ST18: variants seen among roughly 807,000 people sequenced by gnomAD.
ST18 encodes the protein suppression of tumorigenicity 18 protein.
ST18 carries 50 observed loss-of-function variants against 110.0 expected under a neutral mutation model. The observed-to-expected ratio is 0.45, with a 90% CI of 0.36 to 0.58. ST18 has a LOEUF of 0.58. Among genes scored for constraint, ST18 ranks in the 20% least tolerant of loss-of-function variants. The probability of loss-of-function intolerance (pLI) is 0.00; values close to 1 mark genes in which losing one functional copy is unlikely to be tolerated. For missense variants in ST18, 1,306 were observed against 1,280.1 expected, an observed-to-expected ratio of 1.02 and a Z score of -0.31; for synonymous variants, 461 against 452.4, an observed-to-expected ratio of 1.02 and a Z score of -0.24.
chr8:52,348,149 G>A (rs1471719423), intron 2 of ST18, among the ~76,000 whole-genome samples: 1 of 152,126 alleles, frequency 6.6e-6, no homozygotes, highest in Non-Finnish European at 1.5e-5. Flanking sequence ...AGGAAAAGGA[G>A]AGGAGAAATA....
At chr8:52,150,564 A>G (rs1285377889) in intron 15 of ST18, among the ~76,000 whole-genome samples, 1 of 152,208 alleles carries the variant, frequency 6.6e-6, no homozygotes, top group Admixed American at 6.5e-5. Flanking sequence ...ATGCTTTGCT[A>G]AATTGTGGCG....
intron 5 of ST18, among the ~76,000 whole-genome samples, chr8:52,218,907 T>G (rs1012636915): frequency 6.6e-6 from 1 of 150,674 alleles, no homozygotes; most frequent in African/African-American, 2.4e-5. Flanking sequence ...TGAGAAGAGC[T>G]GCTGGGGTCC....
intron 2 of ST18, among the ~76,000 whole-genome samples, chr8:52,234,108 T>A (rs1314271332): frequency 6.6e-6 from 1 of 152,132 alleles, no homozygotes; most frequent in Non-Finnish European, 1.5e-5. Flanking sequence ...TATGTTAACT[T>A]TTTTCCAAAA....
chr8:52,351,022 CT>C (rs986959668), intron 2 of ST18, among the ~76,000 whole-genome samples: 1 of 152,034 alleles, frequency 6.6e-6, no homozygotes, highest in African/African-American at 2.4e-5. Context: ...GCCTGGCCGT[CT>C]TTTTTTGACT....
chr8:52,118,390 A>T lies in ST18; in HGVS notation c.2807T>A (p.Leu936Gln). The T allele has an allele frequency of 6.2e-7, 1 of 1,611,910 alleles. No homozygotes were observed. The change falls in exon 24 of 26, where the codon CTG becomes CAG. Residue 936 changes from leucine to glutamine, a missense_variant. Leu to Gln is a moderately radical substitution (Grantham distance 113). Coordinates refer to ENST00000689386, the MANE Select transcript of ST18 (RefSeq NM_001352837.2). ...IRHLDEEIKE[L>Q]NESNLKIEAD... is the part of the protein sequence containing the mutation. The stretch of plus-strand genomic sequence containing the variant: ...TTCAATTTTAAGGTTGGATTCATTC[A>T]GTTCCTTTATTTCTTCATCCAAATG...
At chr8:52,133,168 A>G (rs1234622550) in intron 20 of ST18, 31 bp from the exon 21 acceptor site, 1 of 1,614,208 alleles carries the variant, frequency 6.2e-7, no homozygotes, top group East Asian at 2.2e-5. Flanking sequence ...AGAACAAAGC[A>G]AAATTATGTG....
intron 6 of ST18, among the ~76,000 whole-genome samples, chr8:52,216,825 T>C (rs762469276): frequency 7.2e-5 from 11 of 152,194 alleles, no homozygotes; most frequent in Non-Finnish European, 7.3e-5. Flanking sequence ...TCAGGCCTCA[T>C]ATTCAATGAG....
chr8:52,262,298 A>T (rs955737393), intron 2 of ST18, among the ~76,000 whole-genome samples: 1 of 152,180 alleles, frequency 6.6e-6, no homozygotes, highest in African/African-American at 2.4e-5. Context: ...TCCAACACAT[A>T]AACTTTTGGG....
intron 2 of ST18, among the ~76,000 whole-genome samples, chr8:52,325,310 A>G (rs987774373): frequency 3.9e-5 from 6 of 152,234 alleles, no homozygotes; most frequent in Non-Finnish European, 7.3e-5. Flanking sequence ...TGATAGCCCC[A>G]TTTATACAAA....
intron 2 of ST18, among the ~76,000 whole-genome samples, chr8:52,314,581 T>TTA (rs1335433533): frequency 6.6e-6 from 1 of 152,196 alleles, no homozygotes; most frequent in Non-Finnish European, 1.5e-5. Flanking sequence ...AAATCATGAC[T>TTA]TATAGCCCAG....
chr8:52,311,447 C>T (rs1238397856), intron 2 of ST18, among the ~76,000 whole-genome samples: 1 of 152,162 alleles, frequency 6.6e-6, no homozygotes, highest in Non-Finnish European at 1.5e-5. Flanking sequence ...CTCTACAGTT[C>T]TATTGTCTCA....
intron 2 of ST18, among the ~76,000 whole-genome samples, chr8:52,377,672 C>A (rs530068171): frequency 1.3e-5 from 2 of 152,286 alleles, no homozygotes; most frequent in African/African-American, 4.8e-5. Context: ...ATTAGTACAA[C>A]CACTATGGAG....
At chr8:52,166,745 A>T (rs1295709773) in intron 11 of ST18, 107 bp downstream of exon 11, 3 of 1,362,064 alleles carry the variant, frequency 2.2e-6, no homozygotes, top group South Asian at 2.1e-5. Flanking sequence ...GACATAGTTT[A>T]AAAAAGTTTG....
intron 2 of ST18, among the ~76,000 whole-genome samples, chr8:52,242,081 A>C (rs1045993565): frequency 6.6e-6 from 1 of 152,196 alleles, no homozygotes; most frequent in Non-Finnish European, 1.5e-5. Context: ...TTTATTTATT[A>C]GTACACTTTC....
At chr8:52,318,159 T>C (rs532245981) in intron 2 of ST18, among the ~76,000 whole-genome samples, 3 of 151,984 alleles carry the variant, frequency 2.0e-5, no homozygotes, top group South Asian at 4.2e-4. Context: ...CCAGCATCTA[T>C]AAGCAACTTA....
intron 2 of ST18, among the ~76,000 whole-genome samples, chr8:52,260,070 G>T (rs570539737): frequency 6.6e-6 from 1 of 152,124 alleles, no homozygotes; most frequent in South Asian, 2.1e-4. Flanking sequence ...TTTTCTTTTA[G>T]CCAGTGATTC....
At chr8:52,130,269 C>T (rs2049045378) in intron 22 of ST18, among the ~76,000 whole-genome samples, 1 of 151,924 alleles carries the variant, frequency 6.6e-6, no homozygotes, top group Non-Finnish European at 1.5e-5. Context: ...AAACAGGAAC[C>T]TATGATGTGT....
chr8:52,344,602 T>C (rs904310844), intron 2 of ST18, among the ~76,000 whole-genome samples: 9 of 152,158 alleles, frequency 5.9e-5, no homozygotes, highest in African/African-American at 1.9e-4. Flanking sequence ...AGTTTCACCA[T>C]GTTGGCCAGG....
chr8:52,285,246 C>A (rs953187614), intron 2 of ST18, among the ~76,000 whole-genome samples: 4 of 152,150 alleles, frequency 2.6e-5, no homozygotes, highest in Admixed American at 1.3e-4. Flanking sequence ...TGATTCTGGT[C>A]CAAACTAAAA....
Sources: allele counts gnomAD v4.1 joint callset (sites outside exome capture counted in the v4.1 genomes callset), GRCh38; gene constraint gnomAD v4.1.1; transcripts MANE v1.5; gene names NCBI Gene and HGNC (gene_info 2026-07-23, HGNC 2026-07-21).